Variants in AFF1 observed in about 807,000 individuals in gnomAD.
The protein encoded by AFF1 is AF4/FMR2 family member 1.
A neutral mutation model predicts 121.7 loss-of-function variants in AFF1; 48 were observed. That is an observed-to-expected ratio of 0.39 (90% confidence interval 0.31 to 0.50). AFF1 has a LOEUF of 0.50. Ranked by LOEUF, AFF1 falls within the 20% of genes least tolerant of loss-of-function variation. AFF1 has a pLI of 0.76. For synonymous variants in AFF1, 613 were observed against 563.0 expected, an observed-to-expected ratio of 1.09 and a Z score of -1.26; for missense variants, 1,523 against 1,511.7, an observed-to-expected ratio of 1.01 and a Z score of -0.12.
intron 11 of AFF1, among the ~76,000 whole-genome samples, chr4:87,112,245 A>T (rs1726611635): frequency 4.6e-5 from 7 of 152,244 alleles, no homozygotes; most frequent in Admixed American, 4.6e-4. Flanking sequence ...ACTCTTAACC[A>T]TTCTGCGTTC....
intron 4 of AFF1, among the ~76,000 whole-genome samples, chr4:87,075,161 G>T (rs528393633): frequency 6.6e-5 from 10 of 152,214 alleles, no homozygotes; most frequent in Non-Finnish European, 1.2e-4. Flanking sequence ...AATCTTTAAA[G>T]AACTGCTATT....
In AFF1 at chr4:87,139,286, G is replaced by GT; in HGVS notation, c.*3586dup. The stretch of plus-strand genomic sequence containing the variant: ...TCCTCTGCTTTATGAAGTTTGAGTT[G>GT]TATTTGTGCATCTTAAAGTAGGTTG... On this transcript the variant is annotated 3_prime_UTR_variant, in exon 21 of 21. Coordinates refer to ENST00000395146, the MANE Select transcript of AFF1 (RefSeq NM_001166693.3). 4.3e-6 allele frequency: 1 copy of GT among 232,962 alleles called. No individual in the cohort carries two copies. The highest frequency in any genetic ancestry group is 8.5e-6 in the Non-Finnish European group (1 of 117,868). 14.4% of individuals were successfully genotyped at this position (232,962 alleles called of 1,614,324 possible).
intron 13 of AFF1, among the ~76,000 whole-genome samples, chr4:87,125,429 C>A (rs577015060): frequency 1.3e-5 from 2 of 152,062 alleles, no homozygotes; most frequent in South Asian, 2.1e-4. Flanking sequence ...AAGAAAGGTA[C>A]CCTTATTTCT....
chr4:86,985,214 T>TATAAATATAA (rs1277485096), intron 2 of AFF1, among the ~76,000 whole-genome samples: 1 of 104,560 alleles, frequency 9.6e-6, no homozygotes, highest in African/African-American at 3.3e-5. Flanking sequence ...TATATATATA[T>TATAAATATAA]AAAATTATAT....
chr4:87,056,156 G>A (rs1720118743), intron 4 of AFF1, among the ~76,000 whole-genome samples: 1 of 152,086 alleles, frequency 6.6e-6, no homozygotes, highest in Admixed American at 6.6e-5. Flanking sequence ...TTTGGCTGAA[G>A]GGTTTTGAGG....
chr4:87,041,595 A>C (rs947702433), intron 2 of AFF1, among the ~76,000 whole-genome samples: 6 of 152,046 alleles, frequency 3.9e-5, no homozygotes, highest in Non-Finnish European at 7.4e-5. Flanking sequence ...AACTCACTAT[A>C]TTCTATTCGG....
intron 2 of AFF1, among the ~76,000 whole-genome samples, chr4:87,010,376 C>T (rs771336198): frequency 7.2e-5 from 11 of 152,164 alleles, no homozygotes; most frequent in Non-Finnish European, 1.5e-4. Flanking sequence ...CTTGTCAAAG[C>T]GGATTGTATG....
At chr4:87,053,985 G>A (rs1270117356) in intron 4 of AFF1, among the ~76,000 whole-genome samples, 2 of 152,222 alleles carry the variant, frequency 1.3e-5, no homozygotes, top group East Asian at 3.8e-4. Flanking sequence ...CTTAAGCAGT[G>A]TCAGTATTCC....
chr4:87,107,718 G>A (rs1726059148), intron 10 of AFF1, among the ~76,000 whole-genome samples: 1 of 152,168 alleles, frequency 6.6e-6, no homozygotes, highest in Non-Finnish European at 1.5e-5. Context: ...TAGGCTTTGT[G>A]GGCCATATAT....
intron 2 of AFF1, among the ~76,000 whole-genome samples, chr4:86,990,558 C>T (rs1724621667): frequency 6.6e-6 from 1 of 152,040 alleles, no homozygotes; most frequent in Non-Finnish European, 1.5e-5. Context: ...GAGAGGGTGC[C>T]ATTCATGAGC....
chr4:86,990,113 C>G (rs1724581727), intron 2 of AFF1, among the ~76,000 whole-genome samples: 1 of 151,938 alleles, frequency 6.6e-6, no homozygotes, highest in African/African-American at 2.4e-5. Context: ...AACCTTAGCA[C>G]ATGTATACCT....
At chr4:87,023,309 A>G (rs1728215095) in intron 2 of AFF1, among the ~76,000 whole-genome samples, 1 of 152,196 alleles carries the variant, frequency 6.6e-6, no homozygotes, top group South Asian at 2.1e-4. Context: ...AAAAATTGAC[A>G]AGGAAATGAA....
At chr4:87,126,004 A>C (rs1025502593) in intron 13 of AFF1, 95 bp from the exon 14 acceptor site, 2 of 1,227,984 alleles carry the variant, frequency 1.6e-6, no homozygotes, top group Admixed American at 1.8e-5. Flanking sequence ...GTGATACCCT[A>C]CTCTTTTGTG....
At chr4:87,127,229 T>A (rs1270341711) in intron 15 of AFF1, 112 bp downstream of exon 15, 6 of 910,942 alleles carry the variant, frequency 6.6e-6, no homozygotes, top group Non-Finnish European at 1.0e-5. Context: ...GGCATGATCT[T>A]GGCTCACTGC....
chr4:87,006,208 C>G (rs1374437963), intron 2 of AFF1, among the ~76,000 whole-genome samples: 1 of 152,162 alleles, frequency 6.6e-6, no homozygotes, highest in Admixed American at 6.5e-5. Flanking sequence ...ACAGTGCAGG[C>G]AGTTATTCAG....
chr4:87,046,052 C>T, intron 2 of AFF1, 114 bp from the exon 3 acceptor site: 1 of 1,288,916 alleles, frequency 7.8e-7, no homozygotes, highest in Non-Finnish European at 1.1e-6. Context: ...CAGCCGTCAT[C>T]ACTGCTTCTT....
intron 2 of AFF1, among the ~76,000 whole-genome samples, chr4:87,026,350 G>A (rs540208506): frequency 2.0e-4 from 31 of 152,084 alleles, no homozygotes; most frequent in Non-Finnish European, 4.1e-4. Flanking sequence ...CTCCTGCCTC[G>A]GCCTCCCAAA....
intron 2 of AFF1, among the ~76,000 whole-genome samples, chr4:86,987,480 A>G (rs1317602717): frequency 2.0e-5 from 3 of 152,102 alleles, no homozygotes; most frequent in Admixed American, 2.0e-4. Flanking sequence ...ATAACCAAGA[A>G]TGTATAGACT....
intron 2 of AFF1, among the ~76,000 whole-genome samples, chr4:86,987,132 C>A (rs1020638935): frequency 6.6e-6 from 1 of 152,130 alleles, no homozygotes; most frequent in Admixed American, 6.6e-5. Context: ...AAACTGAAAA[C>A]CCTTATCCTG....
Sources: gnomAD v4.1 joint callset for allele counts (sites outside exome capture counted in the v4.1 genomes callset) on GRCh38, gnomAD v4.1.1 for gene constraint, MANE v1.5 for transcripts, NCBI Gene and HGNC (gene_info 2026-07-23, HGNC 2026-07-21) for gene names.